Variants in CSNK1G1 observed in about 807,000 individuals in gnomAD.
The protein encoded by CSNK1G1 is casein kinase I isoform gamma-1.
In CSNK1G1, 22 loss-of-function variants were observed where a neutral mutation model predicts 59.6. That is an observed-to-expected ratio of 0.37 (90% CI 0.26 to 0.53). The LOEUF (loss-of-function observed/expected upper bound fraction) is 0.53. CSNK1G1 is among the 20% of genes least tolerant of loss of function. The pLI is 0.89. For synonymous variants in CSNK1G1, 179 were observed against 177.1 expected, an observed-to-expected ratio of 1.01 and a Z score of -0.08; for missense variants, 384 against 519.5, an observed-to-expected ratio of 0.74 and a Z score of 2.54.
chr15:64,192,459 A>T (rs1289009860), intron 10 of CSNK1G1, among the ~76,000 whole-genome samples: 1 of 152,242 alleles, frequency 6.6e-6, no homozygotes, highest in Non-Finnish European at 1.5e-5. Flanking sequence ...ATGAAAGGTA[A>T]AGGTAACAAA....
intron 4 of CSNK1G1, among the ~76,000 whole-genome samples, chr15:64,229,704 A>G (rs183179356): frequency 3.9e-4 from 59 of 152,142 alleles, no homozygotes; most frequent in Non-Finnish European, 7.5e-4. Context: ...CAAGGACATT[A>G]TTAGTCCTGT....
At chr15:64,317,584 G>C in intron 1 of CSNK1G1, among the ~76,000 whole-genome samples, 1 of 102,002 alleles carries the variant, frequency 9.8e-6, no homozygotes, top group African/African-American at 3.6e-5. Context: ...TTACTTATTT[G>C]TTTTCAACAG....
chr15:64,201,990 T>C (rs138045171), intron 10 of CSNK1G1, among the ~76,000 whole-genome samples: 474 of 152,342 alleles, frequency 3.1e-3, no homozygotes, highest in Admixed American at 6.4e-3. Flanking sequence ...ATAAAAATCC[T>C]ATGTCATATT....
chr15:64,245,798 T>C (rs1032417520), intron 4 of CSNK1G1, among the ~76,000 whole-genome samples: 6 of 151,702 alleles, frequency 4.0e-5, no homozygotes, highest in African/African-American at 1.4e-4. Context: ...ATTCTGTCAT[T>C]TGCAGCAACA....
chr15:64,193,721 A>T (rs1486063872), intron 10 of CSNK1G1, among the ~76,000 whole-genome samples: 4 of 152,180 alleles, frequency 2.6e-5, no homozygotes, highest in Admixed American at 2.6e-4. Flanking sequence ...CAGAGACGAG[A>T]GTATCAATTC....
chr15:64,338,012 C>T (rs934257910), intron 1 of CSNK1G1, among the ~76,000 whole-genome samples: 3 of 152,196 alleles, frequency 2.0e-5, no homozygotes, highest in Admixed American at 6.5e-5. Context: ...TGTTTATGCA[C>T]TCATCTGTCA....
chr15:64,218,923 C>T (rs1443200982), intron 4 of CSNK1G1, among the ~76,000 whole-genome samples: 2 of 147,324 alleles, frequency 1.4e-5, no homozygotes, highest in South Asian at 2.1e-4. Flanking sequence ...GGCGCCATCT[C>T]GACTCACTGC....
chr15:64,187,287 A>G (rs1477157682), intron 10 of CSNK1G1, among the ~76,000 whole-genome samples: 1 of 151,146 alleles, frequency 6.6e-6, no homozygotes, highest in African/African-American at 2.4e-5. Context: ...TGCCTCCCAG[A>G]TTCAGGCAAT....
chr15:64,234,989 A>G (rs1204074859), intron 4 of CSNK1G1, among the ~76,000 whole-genome samples: 1 of 152,174 alleles, frequency 6.6e-6, no homozygotes, highest in Non-Finnish European at 1.5e-5. Context: ...AGAAGCAGAG[A>G]AGGCTGGTAA....
intron 1 of CSNK1G1, among the ~76,000 whole-genome samples, chr15:64,351,974 C>T (rs564547878): frequency 8.4e-4 from 128 of 152,200 alleles, no homozygotes; most frequent in Non-Finnish European, 1.1e-3. Flanking sequence ...CATATGATCT[C>T]AACTTTAAGA....
In CSNK1G1 at chr15:64,172,005, G is replaced by T. The variant is rs780680794; in HGVS notation, c.1215-20C>A. 1.9e-6 allele frequency: 3 copies of T among 1,611,276 alleles called. No individual in the cohort carries two copies. Among genetic ancestry groups the T allele is most frequent in the Non-Finnish European group, 1.7e-6 (2 of 1,177,998 alleles). On this transcript the variant is annotated intron_variant, in intron 11 of 11. Coordinates refer to ENST00000303052, the MANE Select transcript of CSNK1G1 (RefSeq NM_022048.5). ...CAGCACCTGGAGCACAAGGAACATT[G>T]CAAGTCAGTGCGGGAGGCCTGCAGC... is the stretch of plus-strand genomic sequence containing the variant.
chr15:64,243,367 A>C (rs1261129813), intron 4 of CSNK1G1, among the ~76,000 whole-genome samples: 1 of 152,104 alleles, frequency 6.6e-6, no homozygotes, highest in East Asian at 1.9e-4. Flanking sequence ...AAACAAAAAA[A>C]ACCCTCAACA....
Position 64,187,871 on chromosome 15 carries a change from C to A in CSNK1G1, c.1108-7417G>T, listed in dbSNP as rs1299586533. Among the ~76,000 whole-genome samples, 7 of 152,148 alleles carry A rather than the reference C, an allele frequency of 4.6e-5. 1 individual carries two copies. On this transcript the variant is annotated intron_variant, in intron 10 of 11. Transcript: ENST00000303052. ...AAATCAGAAATAATTTTCTTAAGAT[C>A]ACATTGATTCCAGGGAGAAAAAAGG... is the stretch of plus-strand genomic sequence containing the variant.
intron 10 of CSNK1G1, 124 bp downstream of exon 10, chr15:64,202,958 A>C (rs1356073280): frequency 2.7e-6 from 2 of 751,050 alleles, no homozygotes; most frequent in Non-Finnish European, 2.3e-6. Flanking sequence ...CACCTGTAAG[A>C]AATGGCAAGC....
intron 1 of CSNK1G1, among the ~76,000 whole-genome samples, chr15:64,318,392 A>C (rs928324462): frequency 6.6e-6 from 1 of 152,096 alleles, no homozygotes; most frequent in African/African-American, 2.4e-5. Context: ...TTGTGGCATG[A>C]GATTAGGGCA....
intron 11 of CSNK1G1, among the ~76,000 whole-genome samples, chr15:64,175,612 A>G (rs1389742074): frequency 6.6e-6 from 1 of 152,198 alleles, no homozygotes; most frequent in East Asian, 1.9e-4. Flanking sequence ...AGGCTCCAAT[A>G]TATCAATTAG....
intron 2 of CSNK1G1, among the ~76,000 whole-genome samples, chr15:64,286,364 T>TAACA (rs1566934091): frequency 2.2e-4 from 34 of 151,532 alleles, no homozygotes; most frequent in African/African-American, 8.0e-4. Flanking sequence ...TAACATGTTA[T>TAACA]TGTTAACAAT....
At chr15:64,303,974 C>T (rs1036922017) in intron 1 of CSNK1G1, among the ~76,000 whole-genome samples, 5 of 151,260 alleles carry the variant, frequency 3.3e-5, no homozygotes, top group Non-Finnish European at 7.4e-5. Context: ...GTTCATAACA[C>T]CTACTTGTAG....
chr15:64,269,262 GTTC>G (rs1371999361), intron 2 of CSNK1G1, among the ~76,000 whole-genome samples: 1 of 152,134 alleles, frequency 6.6e-6, no homozygotes, highest in African/African-American at 2.4e-5. Flanking sequence ...AATGGCACCA[GTTC>G]TTCTTTACAT....
Sources: allele counts gnomAD v4.1 joint callset (sites outside exome capture counted in the v4.1 genomes callset), GRCh38; gene constraint gnomAD v4.1.1; transcripts MANE v1.5; gene names NCBI Gene and HGNC (gene_info 2026-07-23, HGNC 2026-07-21).